Variants in PPFIA2 observed in about 807,000 individuals in gnomAD.
The protein encoded by PPFIA2 is PPFI scaffold protein A2.
A neutral mutation model predicts 175.5 loss-of-function variants in PPFIA2; 46 were observed. That is an observed-to-expected ratio of 0.26 (90% confidence interval 0.21 to 0.34). PPFIA2 has a LOEUF of 0.34. PPFIA2 is among the 10% of genes least tolerant of loss of function. PPFIA2 has a pLI of 1.00. For missense variants in PPFIA2, 1,179 were observed against 1,506.1 expected, an observed-to-expected ratio of 0.78 and a Z score of 3.60; for synonymous variants, 568 against 511.4, an observed-to-expected ratio of 1.11 and a Z score of -1.49.
At chr12:81,676,710 T>C in intron 4 of PPFIA2, 81 bp downstream of exon 4, 1 of 958,056 alleles carries the variant, frequency 1.0e-6, no homozygotes, top group Non-Finnish European at 1.5e-6. Flanking sequence ...TGACAAATAA[T>C]ATACAAGCAA....
chr12:81,277,805 T>G (rs985840447), intron 27 of PPFIA2, among the ~76,000 whole-genome samples: 2 of 152,164 alleles, frequency 1.3e-5, no homozygotes, highest in African/African-American at 4.8e-5. Context: ...ATGGATACTC[T>G]CTTCTTAAGC....
chr12:81,576,859 G>C (rs746827334), intron 4 of PPFIA2, among the ~76,000 whole-genome samples: 1 of 151,632 alleles, frequency 6.6e-6, no homozygotes, highest in Non-Finnish European at 1.5e-5. Context: ...TGGAGGGAGG[G>C]ATTGGTAATT....
intron 8 of PPFIA2, among the ~76,000 whole-genome samples, chr12:81,400,830 C>T (rs1240190986): frequency 4.6e-5 from 7 of 152,136 alleles, no homozygotes; most frequent in Non-Finnish European, 8.8e-5. Context: ...GGAAGAACCT[C>T]ATGTGACATG....
chr12:81,371,011 T>C (rs944444734), intron 11 of PPFIA2, among the ~76,000 whole-genome samples: 1 of 151,910 alleles, frequency 6.6e-6, no homozygotes, highest in African/African-American at 2.4e-5. Context: ...ATATATACTA[T>C]TTTATGCAAT....
intron 4 of PPFIA2, among the ~76,000 whole-genome samples, chr12:81,556,886 G>A (rs917372227): frequency 6.6e-6 from 1 of 151,702 alleles, no homozygotes; most frequent in South Asian, 2.1e-4. Flanking sequence ...GCACTTATTT[G>A]CATTTTTAAT....
intron 24 of PPFIA2, among the ~76,000 whole-genome samples, chr12:81,285,202 T>C (rs1481038471): frequency 1.3e-5 from 2 of 152,148 alleles, no homozygotes; most frequent in Non-Finnish European, 2.9e-5. Context: ...TTGAAGGTAT[T>C]GGCCCCTGGA....
chr12:81,537,649 C>T (rs1163114949), intron 4 of PPFIA2, among the ~76,000 whole-genome samples: 3 of 151,826 alleles, frequency 2.0e-5, no homozygotes, highest in Non-Finnish European at 2.9e-5. Context: ...ATTCTAATGT[C>T]AACATGCCTC....
chr12:81,443,600 T>A (rs1001607666), intron 6 of PPFIA2, among the ~76,000 whole-genome samples: 1 of 152,136 alleles, frequency 6.6e-6, no homozygotes, highest in South Asian at 2.1e-4. Context: ...TCTATTCTGA[T>A]AAAGAATCAT....
intron 4 of PPFIA2, among the ~76,000 whole-genome samples, chr12:81,675,852 A>T (rs904626928): frequency 1.3e-5 from 2 of 152,068 alleles, no homozygotes; most frequent in African/African-American, 2.4e-5. Flanking sequence ...ATAAATACTT[A>T]TGATAAAAAT....
intron 4 of PPFIA2, among the ~76,000 whole-genome samples, chr12:81,598,602 G>C (rs1189101565): frequency 6.6e-6 from 1 of 150,828 alleles, no homozygotes; most frequent in Non-Finnish European, 1.5e-5. Flanking sequence ...GTCACTCCCA[G>C]ACTTTTCAAC....
At chr12:81,389,365 T>A (rs1293753206) in intron 8 of PPFIA2, among the ~76,000 whole-genome samples, 1 of 151,790 alleles carries the variant, frequency 6.6e-6, no homozygotes, top group Non-Finnish European at 1.5e-5. Context: ...TAAGAGAAAT[T>A]TAACTAACTA....
intron 3 of PPFIA2, among the ~76,000 whole-genome samples, chr12:81,719,032 T>C (rs916995145): frequency 2.0e-5 from 3 of 151,660 alleles, no homozygotes; most frequent in African/African-American, 4.8e-5. Flanking sequence ...TATGTTTAAA[T>C]TGACAAATAA....
At chr12:81,500,293 C>A (rs1035140054) in intron 4 of PPFIA2, among the ~76,000 whole-genome samples, 1 of 152,132 alleles carries the variant, frequency 6.6e-6, no homozygotes. Context: ...GATACCCTCC[C>A]TATCCTATAG....
intron 3 of PPFIA2, among the ~76,000 whole-genome samples, chr12:81,738,520 G>A (rs575005531): frequency 1.4e-4 from 22 of 151,908 alleles, no homozygotes; most frequent in South Asian, 6.2e-4. Flanking sequence ...TCCTACACAT[G>A]GAAGTATAAG....
chr12:81,395,769 G>A (rs531089826), intron 8 of PPFIA2, among the ~76,000 whole-genome samples: 9 of 152,094 alleles, frequency 5.9e-5, no homozygotes, highest in African/African-American at 1.2e-4. Context: ...CAATAATAAA[G>A]CAATATTTAT....
chr12:81,501,391 C>T (rs1008386380), intron 4 of PPFIA2, among the ~76,000 whole-genome samples: 5 of 152,118 alleles, frequency 3.3e-5, no homozygotes, highest in Non-Finnish European at 7.4e-5. Context: ...CTTTGCTTTA[C>T]ATTTAATCAG....
intron 30 of PPFIA2, 141 bp from the exon 31 acceptor site, chr12:81,263,531 ATAGT>A (rs1410312956): frequency 2.2e-5 from 14 of 637,212 alleles, no homozygotes; most frequent in Non-Finnish European, 2.7e-5. Flanking sequence ...CTTTATCAAG[ATAGT>A]TAGTTCTATG....
intron 22 of PPFIA2, among the ~76,000 whole-genome samples, chr12:81,300,058 TAAC>T (rs1280162084): frequency 6.6e-6 from 1 of 152,168 alleles, no homozygotes; most frequent in Non-Finnish European, 1.5e-5. Flanking sequence ...AATATCTTAA[TAAC>T]AACAAATGGT....
chr12:81,376,034 T>C (rs1595785210), intron 9 of PPFIA2, 92 bp from the exon 10 acceptor site: 2 of 1,189,584 alleles, frequency 1.7e-6, no homozygotes, highest in Admixed American at 2.3e-5. Context: ...ACATAAAAAC[T>C]ATTGCATTCT....
Sources: gnomAD v4.1 joint callset for allele counts (sites outside exome capture counted in the v4.1 genomes callset) on GRCh38, gnomAD v4.1.1 for gene constraint, MANE v1.5 for transcripts, NCBI Gene and HGNC (gene_info 2026-07-23, HGNC 2026-07-21) for gene names.